Variants in EXT2 observed in about 807,000 individuals in gnomAD.
The protein encoded by EXT2 is exostosin glycosyltransferase 2.
A neutral mutation model predicts 81.6 loss-of-function variants in EXT2; 53 were observed. The ratio of observed to expected loss-of-function variants is 0.65; its 90% confidence interval spans 0.52 to 0.82. EXT2 has a LOEUF of 0.82. EXT2 is among the 40% of genes least tolerant of loss of function. The pLI is 0.00. For missense variants in EXT2, 774 were observed against 910.2 expected, an observed-to-expected ratio of 0.85 and a Z score of 1.93; for synonymous variants, 320 against 340.0, an observed-to-expected ratio of 0.94 and a Z score of 0.65.
intron 6 of EXT2, 141 bp downstream of exon 6, chr11:44,127,096 G>C: frequency 8.5e-7 from 1 of 1,171,256 alleles, no homozygotes; most frequent in African/African-American, 1.5e-5. Flanking sequence ...AGGAGAGTTA[G>C]TACACTGGTC....
chr11:44,169,624 G>A (rs1161010524), intron 7 of EXT2, among the ~76,000 whole-genome samples: 1 of 152,100 alleles, frequency 6.6e-6, no homozygotes, highest in Non-Finnish European at 1.5e-5. Flanking sequence ...TTGTAATTAG[G>A]AACCAAATAT....
At chr11:44,231,126 G>T (rs1449423012) in intron 10 of EXT2, among the ~76,000 whole-genome samples, 1 of 152,140 alleles carries the variant, frequency 6.6e-6, no homozygotes, top group Non-Finnish European at 1.5e-5. Flanking sequence ...CTTTGGAAGG[G>T]CAAGAATGGC....
intron 8 of EXT2, among the ~76,000 whole-genome samples, chr11:44,177,946 C>G (rs776765661): frequency 6.6e-6 from 1 of 152,172 alleles, no homozygotes; most frequent in Non-Finnish European, 1.5e-5. Flanking sequence ...TCTATGAAAT[C>G]TAGCCAGAGT....
intron 1 of EXT2, among the ~76,000 whole-genome samples, chr11:44,098,173 T>C (rs1195347498): frequency 6.6e-6 from 1 of 152,148 alleles, no homozygotes; most frequent in Non-Finnish European, 1.5e-5. Context: ...AACTTCTTGG[T>C]GGTAGGGAGC....
At chr11:44,181,547 G>A (rs10838243) in intron 8 of EXT2, among the ~76,000 whole-genome samples, 38,422 of 151,796 alleles carry the variant, frequency 0.25, 5,922 homozygotes, top group Admixed American at 0.42. Flanking sequence ...ACCATCTTTC[G>A]GTCTTCTTCT....
intron 9 of EXT2, among the ~76,000 whole-genome samples, chr11:44,203,122 T>C (rs1319544647): frequency 1.3e-5 from 2 of 152,230 alleles, no homozygotes; most frequent in African/African-American, 4.8e-5. Context: ...TTTGTCATGC[T>C]TCTAACTCTA....
chr11:44,243,756 G>C (rs1956064640), intron 13 of EXT2, among the ~76,000 whole-genome samples: 1 of 151,272 alleles, frequency 6.6e-6, no homozygotes. Flanking sequence ...CTCTTAGCTG[G>C]CAGAGATGGG....
At chr11:44,172,275 G>A (rs1955087323) in intron 8 of EXT2, among the ~76,000 whole-genome samples, 1 of 152,206 alleles carries the variant, frequency 6.6e-6, no homozygotes, top group Admixed American at 6.5e-5. Flanking sequence ...GCTACTTCCA[G>A]CAAAGAGATG....
intron 7 of EXT2, among the ~76,000 whole-genome samples, chr11:44,151,403 C>T (rs761884021): frequency 6.6e-6 from 1 of 152,040 alleles, no homozygotes; most frequent in Non-Finnish European, 1.5e-5. Flanking sequence ...TCCCAACTCT[C>T]GGAAACCATT....
At chr11:44,176,287 T>G (rs1340220055) in intron 8 of EXT2, among the ~76,000 whole-genome samples, 1 of 152,214 alleles carries the variant, frequency 6.6e-6, no homozygotes, top group Non-Finnish European at 1.5e-5. Flanking sequence ...TGGAATTTAG[T>G]TCTTTTTTAT....
chr11:44,102,022 A>G (rs556455268), intron 1 of EXT2, among the ~76,000 whole-genome samples: 19 of 151,618 alleles, frequency 1.3e-4, no homozygotes, highest in South Asian at 2.1e-4. Context: ...AAAAATCACT[A>G]TCTCTCCCCT....
intron 13 of EXT2, among the ~76,000 whole-genome samples, chr11:44,241,952 G>A (rs1956042295): frequency 6.6e-6 from 1 of 152,208 alleles, no homozygotes; most frequent in East Asian, 1.9e-4. Context: ...GTATGAAGGA[G>A]AAAGAAGTAC....
chr11:44,127,062 G>T, intron 6 of EXT2, 107 bp downstream of exon 6: 1 of 1,418,402 alleles, frequency 7.1e-7, no homozygotes, highest in Non-Finnish European at 9.9e-7. Flanking sequence ...AACTACTACA[G>T]ATAGTTTTTC....
At chr11:44,111,878 A>G (rs998856336) in intron 3 of EXT2, among the ~76,000 whole-genome samples, 84 of 152,346 alleles carry the variant, frequency 5.5e-4, no homozygotes, top group African/African-American at 2.0e-3. Context: ...AACTAACTAT[A>G]ATACTATTAT....
intron 3 of EXT2, among the ~76,000 whole-genome samples, chr11:44,113,792 G>T (rs986264130): frequency 7.2e-5 from 11 of 152,124 alleles, no homozygotes; most frequent in Non-Finnish European, 1.5e-5. Flanking sequence ...GTTGGTAAAT[G>T]ACTTCCCCAA....
chr11:44,112,287 G>A (rs1954155930), intron 3 of EXT2, among the ~76,000 whole-genome samples: 1 of 152,200 alleles, frequency 6.6e-6, no homozygotes, highest in South Asian at 2.1e-4. Flanking sequence ...CCCAGAATCA[G>A]GCAGCCCTGC....
rs1378741924 is a variant in EXT2, at chr11:44,249,933, A to C, written c.*5646A>C. On this transcript the variant is annotated 3_prime_UTR_variant, in exon 14 of 14. Coordinates refer to ENST00000533608, the MANE Select transcript of EXT2 (RefSeq NM_207122.2). ...AAAATACAAAGAATTAGCCGGGCAT[A>C]GTGGCAGGCACCTGTAGCCCCAGCT... 6.6e-6 allele frequency among the ~76,000 whole-genome samples: 1 copy of C among 152,148 alleles called. No homozygotes were observed. The highest frequency in any genetic ancestry group is 2.4e-5 in the African/African-American group (1 of 41,438).
rs75246884 is a variant in EXT2, at chr11:44,163,690, A to C, written c.1174-7921A>C. On this transcript the variant is annotated intron_variant, in intron 7 of 13. Transcript: ENST00000533608. ...TTCACCTGAAATAAATGGTTCTGTC[A>C]ATGTTAGTGTGTTAAGAGTAAGTTT... is the stretch of plus-strand genomic sequence containing the variant. Among the ~76,000 whole-genome samples the C allele has an allele frequency of 4.8e-3, 727 of 152,276 alleles. 5 individuals carry two copies. The highest frequency in any genetic ancestry group is 0.031 in the East Asian group (159 of 5,170).
At chr11:44,107,582 TCAAAA>T (rs201845825) in intron 1 of EXT2, 96 bp from the exon 2 acceptor site, 4 of 1,164,706 alleles carry the variant, frequency 3.4e-6, no homozygotes, top group African/African-American at 1.5e-5. Context: ...AAACCCTGTC[TCAAAA>T]CAAAACAAAA....
Sources: gnomAD v4.1 joint callset for allele counts (sites outside exome capture counted in the v4.1 genomes callset) on GRCh38, gnomAD v4.1.1 for gene constraint, MANE v1.5 for transcripts, NCBI Gene and HGNC (gene_info 2026-07-23, HGNC 2026-07-21) for gene names.